Variants in ABCC6 observed in about 807,000 individuals in gnomAD.
ABCC6 encodes ATP binding cassette subfamily C member 6, also known as ATP-binding cassette sub-family C member 6.
In ABCC6, 126 loss-of-function variants were observed where a neutral mutation model predicts 169.5. That is an observed-to-expected ratio of 0.74 (90% CI 0.64 to 0.86). The LOEUF is 0.86. ABCC6 is among the 40% of genes least tolerant of loss of function. The pLI, the probability that ABCC6 is intolerant of heterozygous loss-of-function variation, is 0.00. For synonymous variants in ABCC6, 752 were observed against 814.7 expected, an observed-to-expected ratio of 0.92 and a Z score of 1.31; for missense variants, 1,733 against 1,927.2, an observed-to-expected ratio of 0.90 and a Z score of 1.89.
Position 16,182,573 on chromosome 16 carries a change from C to T in ABCC6, c.2086G>A (p.Val696Met), listed in dbSNP as rs143731811. ...TTCTGCACCCAGGCCTCCTGGGGCA[C>T]GTAGGCCACAGCACCCTAAAACACA... ...FVSIEGAVAYVPQEAWVQNTS... is the reference protein window; with the variant it reads ...FVSIEGAVAYMPQEAWVQNTS... Residue 696 changes from valine to methionine, a missense_variant, in exon 17 of 31, where the codon GTG becomes ATG. Around this residue, in one of 5 missense-constraint regions of ABCC6, gnomAD observed 1,601 missense variants for 1,635.5 expected, o/e 0.98. Transcript: ENST00000205557. 69 of 1,612,592 alleles carry T rather than the reference C, an allele frequency of 4.3e-5. 1 individual carries two copies. Among genetic ancestry groups the T allele is most frequent in the Admixed American group, 8.3e-5 (5 of 59,982 alleles).
rs371188924 is a variant in ABCC6 at position 16,189,021 on chromosome 16, A to G, written c.1636-47T>C. ...TGGGGCAACAGTGAGACACGCAAGC[A>G]TGGATAGGGCAGCCTGGGCAAGCTG... On this transcript the variant is annotated intron_variant, in intron 12 of 30. Coordinates refer to ENST00000205557, the MANE Select transcript of ABCC6 (RefSeq NM_001171.6). 4.4e-6 allele frequency: 7 copies of G among 1,607,830 alleles called. No homozygotes were observed. The African/African-American group carries it at 9.4e-5, about 21-fold the overall frequency.
At chr16:16,197,181 G>T (rs1426626010) in intron 10 of ABCC6, among the ~76,000 whole-genome samples, 1 of 152,044 alleles carries the variant, frequency 6.6e-6, no homozygotes, top group Non-Finnish European at 1.5e-5. Context: ...AGTGGCTATG[G>T]TGGTGCCTCA....
chr16:16,165,886 G>T lies in ABCC6; in HGVS notation c.3043C>A (p.Arg1015=). Residue 1015 remains arginine, a synonymous_variant, in exon 23 of 31, where the codon CGG becomes AGG. Coordinates refer to ENST00000205557, the MANE Select transcript of ABCC6 (RefSeq NM_001171.6). ...CTCTGGAAGAGCAACCTGGATGCCCGGGCCCCACCTAGGAGCACCGCAGCC... is the reference window on the plus strand; with the variant it reads ...CTCTGGAAGAGCAACCTGGATGCCCTGGCCCCACCTAGGAGCACCGCAGCC... The part of the protein sequence containing the change: ...SMAAVLLGGA[R]ASRLLFQRLL... The T allele has an allele frequency of 6.2e-7, 1 of 1,613,140 alleles. No individual in the cohort carries two copies.
At position 16,169,864 on chromosome 16, in the gene ABCC6, C is replaced by G. The variant is rs1567485138; in HGVS notation, c.2788-11G>C. On this transcript the variant is annotated splice_polypyrimidine_tract_variant and intron_variant, in intron 21 of 30. Coordinates refer to ENST00000205557, the MANE Select transcript of ABCC6 (RefSeq NM_001171.6). ...CACTGTGGCCTTCACCTGTAGCACA[C>G]ATGAGGGAGAGGGAGGCAGAGAGAG... 3 of 1,551,042 alleles carry G rather than the reference C, an allele frequency of 1.9e-6. No homozygotes were observed. Among genetic ancestry groups the G allele is most frequent in the Non-Finnish European group, 2.6e-6 (3 of 1,147,380 alleles).
Position 16,177,498 on chromosome 16 carries a change from C to T in ABCC6, c.2544G>A (p.Met848Ile), listed in dbSNP as rs761941142. Residue 848 changes from methionine (M) to isoleucine (I), a missense_variant, in exon 19 of 31, where the codon ATG becomes ATA. Met to Ile is a conservative substitution (Grantham distance 10). Coordinates refer to ENST00000205557, the MANE Select transcript of ABCC6 (RefSeq NM_001171.6). ...GCTGTCTGGCTTGATCCAGAAGACA[C>T]ATGAGGGCCCCCTTCCTCTGCAGAA... The part of the protein sequence containing the change: ...QELLQRKGAL[M>I]CLLDQARQPG... 6.2e-7 allele frequency: 1 copy of T among 1,614,194 alleles called. No individual in the cohort carries two copies. The highest frequency in any genetic ancestry group is 1.7e-5 in the Admixed American group (1 of 60,020).
chr16:16,194,834 G>A (rs1357278254), intron 10 of ABCC6, among the ~76,000 whole-genome samples: 3 of 151,942 alleles, frequency 2.0e-5, no homozygotes, highest in Non-Finnish European at 4.4e-5. Context: ...ACAGGCATGT[G>A]TCACTCGGCT....
intron 26 of ABCC6, 75 bp from the exon 27 acceptor site, chr16:16,157,884 C>T: frequency 1.3e-6 from 2 of 1,501,304 alleles, no homozygotes; most frequent in Admixed American, 4.1e-5. Flanking sequence ...CCTCTATCAG[C>T]TTCAGTTTTC....
At chr16:16,206,170 C>T (rs186261189) in intron 7 of ABCC6, among the ~76,000 whole-genome samples, 3 of 152,346 alleles carry the variant, frequency 2.0e-5, no homozygotes, top group Non-Finnish European at 4.4e-5. Flanking sequence ...TTTTCCTCTC[C>T]TGCAGGTCTC....
intron 26 of ABCC6, among the ~76,000 whole-genome samples, chr16:16,158,451 A>ATCCC (rs1375018902): frequency 1.3e-5 from 2 of 149,180 alleles, no homozygotes; most frequent in African/African-American, 2.4e-5. Context: ...GCATCCATCC[A>ATCCC]TCCATCTCCA....
Position 16,187,201 on chromosome 16 carries a change from G to C in ABCC6, c.1790C>G (p.Ser597Cys), listed in dbSNP as rs772893948. The C allele has an allele frequency of 6.2e-7, 1 of 1,613,392 alleles. No homozygotes were observed. The highest frequency in any genetic ancestry group is 1.3e-5 in the African/African-American group (1 of 74,878). ...GAGGAAGGTGACCAGACGGTCAAAGGACACCCGGGCCTAGGAAAACCGAAG... is the reference window on the plus strand; with the variant it reads ...GAGGAAGGTGACCAGACGGTCAAAGCACACCCGGGCCTAGGAAAACCGAAG... ...SIHSLVQARV[S>C]FDRLVTFLCL... The change falls in exon 14 of 31, where the codon TCC becomes TGC. Residue 597 changes from serine to cysteine, a missense_variant. By Grantham distance (112) the Ser-to-Cys change is moderately radical. Around this residue, in one of 5 missense-constraint regions of ABCC6, gnomAD observed 1,601 missense variants for 1,635.5 expected, o/e 0.98. Coordinates refer to ENST00000205557, the MANE Select transcript of ABCC6 (RefSeq NM_001171.6).
chr16:16,171,925 G>GGGATA (rs2047094020), intron 21 of ABCC6, among the ~76,000 whole-genome samples: 1 of 92,952 alleles, frequency 1.1e-5, no homozygotes, highest in African/African-American at 4.1e-5. Context: ...GTGGGTGGGT[G>GGGATA]GATAAATGGG....
At chr16:16,160,628 CAAAAAAAA>C (rs34511090) in intron 25 of ABCC6, among the ~76,000 whole-genome samples, 83 of 76,398 alleles carry the variant, frequency 1.1e-3, no homozygotes, top group African/African-American at 3.9e-3. Flanking sequence ...CTGTTTCTAC[CAAAAAAAA>C]AAAAAAAAAA....
At chr16:16,213,109 G>C (rs2048700190) in intron 5 of ABCC6, among the ~76,000 whole-genome samples, 2 of 145,464 alleles carry the variant, frequency 1.4e-5, no homozygotes, top group African/African-American at 5.1e-5. Context: ...TTTGAATACA[G>C]GGTCTCGCTC....
intron 27 of ABCC6, among the ~76,000 whole-genome samples, chr16:16,155,962 C>T (rs1322481535): frequency 6.6e-6 from 1 of 152,134 alleles, no homozygotes; most frequent in Non-Finnish European, 1.5e-5. Flanking sequence ...ATTGCCCAGG[C>T]TGGAGTGCAG....
chr16:16,199,858 G>T (rs373730245), intron 9 of ABCC6, among the ~76,000 whole-genome samples: 1 of 146,940 alleles, frequency 6.8e-6, no homozygotes, highest in East Asian at 2.1e-4. Flanking sequence ...GCTTGAGGCC[G>T]GGAGTTCGAG....
Position 16,198,167 on chromosome 16 carries a change from T to A in ABCC6, c.1192A>T (p.Ser398Cys). 1 of 1,603,710 alleles carries A rather than the reference T, an allele frequency of 6.2e-7. No individual in the cohort carries two copies. The highest frequency in any genetic ancestry group is 1.1e-5 in the South Asian group (1 of 89,596). ...LVYRKVLALS[S>C]GSRKASAVGD... ...ACCGCACTGGCCTTTCTGGAGCCGC[T>A]GGACAGAGCCAGGACCTGGCGGGTG... Residue 398 changes from serine (S) to cysteine (C), a missense_variant, in exon 10 of 31, where the codon AGC becomes TGC. Physicochemically the swap from Ser to Cys is moderately radical, Grantham distance 112. Around this residue, in one of 5 missense-constraint regions of ABCC6, gnomAD observed 1,601 missense variants for 1,635.5 expected, o/e 0.98. Coordinates refer to ENST00000205557, the MANE Select transcript of ABCC6 (RefSeq NM_001171.6).
intron 23 of ABCC6, among the ~76,000 whole-genome samples, chr16:16,164,316 G>A (rs9922834): frequency 0.16 from 24,903 of 152,044 alleles, 2,504 homozygotes; most frequent in African/African-American, 0.28. Context: ...AGATGTGTGA[G>A]CCACCATGCC....
intron 29 of ABCC6, among the ~76,000 whole-genome samples, chr16:16,151,519 A>T (rs2046387123): frequency 6.6e-6 from 1 of 152,318 alleles, no homozygotes; most frequent in East Asian, 1.9e-4. Context: ...TCAAATCTAC[A>T]GTCTTCCTAA....
At chr16:16,173,204 G>A in intron 21 of ABCC6, 80 bp downstream of exon 21, 1 of 1,597,798 alleles carries the variant, frequency 6.3e-7, no homozygotes. Context: ...TCACTGCCAA[G>A]TGCTACATTT....
Sources: gnomAD v4.1 joint callset for allele counts (sites outside exome capture counted in the v4.1 genomes callset) on GRCh38, gnomAD v4.1.1 for gene constraint, gnomAD v4.1.1 regional missense constraint, MANE v1.5 for transcripts, NCBI Gene and HGNC (gene_info 2026-07-23, HGNC 2026-07-21) for gene names.